NWD1: variants seen among roughly 807,000 people sequenced by gnomAD.
The protein encoded by NWD1 is NACHT and WD repeat domain containing 1.
NWD1 carries 129 observed loss-of-function variants against 135.1 expected under a neutral mutation model. The observed-to-expected ratio is 0.96, with a 90% confidence interval of 0.83 to 1.11. The LOEUF (loss-of-function observed/expected upper bound fraction) is 1.11. NWD1 is among the 50% of genes least tolerant of loss of function. The pLI, the probability that NWD1 is intolerant of heterozygous loss-of-function variation, is 0.00. For missense variants in NWD1, 1,740 were observed against 1,851.3 expected, an observed-to-expected ratio of 0.94 and a Z score of 1.10; for synonymous variants, 773 against 786.0, an observed-to-expected ratio of 0.98 and a Z score of 0.28.
In NWD1 at chr19:16,779,031, C is replaced by T. The variant is rs115420786; in HGVS notation, c.2609-312C>T. Among the ~76,000 whole-genome samples, 1,201 of 152,244 alleles carry T rather than the reference C, an allele frequency of 7.9e-3. 11 individuals are homozygous for T. The highest frequency in any genetic ancestry group is 0.027 in the African/African-American group (1,125 of 41,548). On this transcript the variant is annotated intron_variant, in intron 11 of 18. Coordinates refer to ENST00000524140, the MANE Select transcript of NWD1 (RefSeq NM_001007525.5). ...AGCATCCTTGTCCCCATTGTGGCAC[C>T]TCAAGATGTCTCCAGAAACCGATAT...
chr19:16,747,183 T>C lies in NWD1; in HGVS notation c.497-1956T>C, dbSNP rs569448665. ...TCCTAAGTTGCTGGGATTACAGGCA[T>C]GCGCCACCTCGCCTGGCTAATTTTT... On this transcript the variant is annotated intron_variant, in intron 5 of 18. Coordinates refer to ENST00000524140, the MANE Select transcript of NWD1 (RefSeq NM_001007525.5). Among the ~76,000 whole-genome samples the C allele has an allele frequency of 5.9e-5, 9 of 151,542 alleles. No homozygotes were observed. The East Asian group carries it at 1.6e-3, about 26-fold the overall frequency.
In NWD1 at chr19:16,781,908, C is replaced by T. The variant is rs1269742427; in HGVS notation, c.2731+2443C>T. On this transcript the variant is annotated intron_variant, in intron 12 of 18. Coordinates refer to ENST00000524140, the MANE Select transcript of NWD1 (RefSeq NM_001007525.5). ...GAGATCGAGACCATCCTGGCTAACACGGTGAAACCCTGTCTCTACTAAAAA... is the reference window on the plus strand; with the variant it reads ...GAGATCGAGACCATCCTGGCTAACATGGTGAAACCCTGTCTCTACTAAAAA... 5.3e-5 allele frequency among the ~76,000 whole-genome samples: 8 copies of T among 151,398 alleles called. No homozygotes were observed. The South Asian group carries it at 6.3e-4, about 12-fold the overall frequency.
chr19:16,737,409 G>A (rs1433825053), intron 4 of NWD1, among the ~76,000 whole-genome samples: 2 of 151,872 alleles, frequency 1.3e-5, no homozygotes, highest in Non-Finnish European at 2.9e-5. Context: ...CTACAGGTGT[G>A]TGCCGCCACA....
intron 12 of NWD1, among the ~76,000 whole-genome samples, chr19:16,786,614 T>A (rs1417544636): frequency 6.6e-6 from 1 of 152,016 alleles, no homozygotes; most frequent in African/African-American, 2.4e-5. Context: ...TGGTCCAGTC[T>A]TGGCTCACTG....
At position 16,749,894 on chromosome 19, in the gene NWD1, C is replaced by T. The variant is rs574266944; in HGVS notation, c.1252C>T (p.His418Tyr). The T allele has an allele frequency of 1.8e-5, 29 of 1,613,564 alleles. No individual in the cohort carries two copies. In the South Asian group the frequency reaches 2.7e-4, roughly 15 times the overall value. The change falls in exon 6 of 19, where the codon CAT (histidine) becomes TAT (tyrosine). Residue 418 changes from histidine (H) to tyrosine (Y), a missense_variant. Coordinates refer to ENST00000524140, the MANE Select transcript of NWD1 (RefSeq NM_001007525.5). The part of the protein sequence containing the change: ...DAHTRVVQFF[H>Y]TLLHTVSCRN... ...CCACACCAGGGTGGTCCAGTTTTTC[C>T]ATACCCTCCTCCACACTGTCTCTTG... is the stretch of plus-strand genomic sequence containing the variant.
At position 16,799,812 on chromosome 19, in the gene NWD1, G is replaced by C. The variant is rs934703090; in HGVS notation, c.3460-74G>C. On this transcript the variant is annotated intron_variant, in intron 16 of 18. Coordinates refer to ENST00000524140, the MANE Select transcript of NWD1 (RefSeq NM_001007525.5). Reference sequence around the variant, plus strand: ...CGTGAGCCACCGCGCCTGGCCCAATGGGCTGAAGCGTATTTCTGAACTATA... The same window carrying C: ...CGTGAGCCACCGCGCCTGGCCCAATCGGCTGAAGCGTATTTCTGAACTATA... 3 of 1,432,224 alleles carry C rather than the reference G, an allele frequency of 2.1e-6. No homozygotes were observed. The African/African-American group carries it at 4.3e-5, about 20-fold the overall frequency. 88.7% of individuals were successfully genotyped at this position (1,432,224 alleles called of 1,614,324 possible).
intron 4 of NWD1, among the ~76,000 whole-genome samples, chr19:16,739,459 T>G (rs1187938411): frequency 6.6e-6 from 1 of 152,064 alleles, no homozygotes; most frequent in Non-Finnish European, 1.5e-5. Flanking sequence ...CAGTGCAGCT[T>G]TCTGATTGCA....
chr19:16,722,490 T>C (rs12984347), intron 1 of NWD1, among the ~76,000 whole-genome samples: 34,027 of 151,714 alleles, frequency 0.22, 4,820 homozygotes, highest in Middle Eastern at 0.36. Flanking sequence ...GGTTTCTCCA[T>C]GTTGGCCAGG....
chr19:16,735,866 GAGGA>G (rs372042757), intron 3 of NWD1, among the ~76,000 whole-genome samples: 3,137 of 28,416 alleles, frequency 0.11, 100 homozygotes, highest in African/African-American at 0.2. Context: ...AGGAAGGAAG[GAGGA>G]AGGAAGGAAG....
At chr19:16,793,425 G>T (rs982000479) in intron 14 of NWD1, among the ~76,000 whole-genome samples, 1 of 151,902 alleles carries the variant, frequency 6.6e-6, no homozygotes, top group Non-Finnish European at 1.5e-5. Context: ...ATTTTGTAGA[G>T]GTGGGGGTCT....
chr19:16,800,877 A>G (rs1970583927), intron 17 of NWD1, among the ~76,000 whole-genome samples: 2 of 152,178 alleles, frequency 1.3e-5, no homozygotes, highest in African/African-American at 4.8e-5. Flanking sequence ...GCTTAAACCT[A>G]TAATCACAGC....
Position 16,730,830 on chromosome 19 carries a change from A to T in NWD1, c.-6-362A>T, listed in dbSNP as rs1483605378. On this transcript the variant is annotated intron_variant, in intron 2 of 18. Coordinates refer to ENST00000524140, the MANE Select transcript of NWD1 (RefSeq NM_001007525.5). Reference sequence around the variant, plus strand: ...GATGGCTTGAGTCCAGGAGTTCAAGACCAGCCTAGGAAACATAAGGAGACT... The same window carrying T: ...GATGGCTTGAGTCCAGGAGTTCAAGTCCAGCCTAGGAAACATAAGGAGACT... 2.0e-5 allele frequency among the ~76,000 whole-genome samples: 3 copies of T among 152,004 alleles called. 1 individual carries two copies. The highest frequency in any genetic ancestry group is 4.4e-5 in the Non-Finnish European group (3 of 68,008).
chr19:16,723,089 T>C lies in NWD1; in HGVS notation c.-104-1277T>C, dbSNP rs186402505. ...TATTTTTTGAGGCAGAGTCTCTCTC[T>C]GTTGCCCAGTGGTGGCTCACTGCAG... On this transcript the variant is annotated intron_variant, in intron 1 of 18. Coordinates refer to ENST00000524140, the MANE Select transcript of NWD1 (RefSeq NM_001007525.5). Among the ~76,000 whole-genome samples, 164 of 152,138 alleles carry C rather than the reference T, an allele frequency of 1.1e-3. 1 individual carries two copies. Among genetic ancestry groups the C allele is most frequent in the African/African-American group, 3.7e-3 (155 of 41,478 alleles).
At chr19:16,748,300 G>T (rs570856971) in intron 5 of NWD1, among the ~76,000 whole-genome samples, 2 of 152,180 alleles carry the variant, frequency 1.3e-5, no homozygotes, top group African/African-American at 4.8e-5. Context: ...TGGATGTTTG[G>T]ATTGTTTCTG....
intron 7 of NWD1, among the ~76,000 whole-genome samples, chr19:16,759,924 G>A (rs1310575071): frequency 6.6e-6 from 1 of 152,040 alleles, no homozygotes; most frequent in Non-Finnish European, 1.5e-5. Context: ...AACCTGGGAG[G>A]CAGAGGTGGC....
At position 16,744,513 on chromosome 19, in the gene NWD1, G is replaced by A; in HGVS notation, c.291G>A (p.Arg97=). The A allele has an allele frequency of 6.5e-7, 1 of 1,536,060 alleles. No homozygotes were observed. ...TATTGAGGGACCATCTGACTGCCAG[G>A]CCAAGTGACCTGGAGCTGGTGGCAC... ...WEVLRDHLTA[R]PSDLELVARY... The change falls in exon 5 of 19, where the codon AGG becomes AGA. Residue 97 remains arginine, a synonymous_variant. Coordinates refer to ENST00000524140, the MANE Select transcript of NWD1 (RefSeq NM_001007525.5).
Position 16,736,626 on chromosome 19 carries a change from T to C in NWD1, c.82-8T>C, listed in dbSNP as rs1353361321. The C allele has an allele frequency of 2.7e-6, 4 of 1,499,892 alleles. No homozygotes were observed. Among genetic ancestry groups the C allele is most frequent in the South Asian group, 2.4e-5 (2 of 83,296 alleles). 92.9% of individuals were successfully genotyped at this position (1,499,892 alleles called of 1,614,324 possible). ...CCTCTCTGACAAACTTGTGTTTCTA[T>C]TTCCCAGGTCGTTGATCTGAGGTGG... On this transcript the variant is annotated splice_polypyrimidine_tract_variant and splice_region_variant and intron_variant, in intron 3 of 18. Transcript: ENST00000524140.
chr19:16,788,479 G>A (rs1169269576), intron 12 of NWD1, among the ~76,000 whole-genome samples: 1 of 146,404 alleles, frequency 6.8e-6, no homozygotes, highest in African/African-American at 2.5e-5. Flanking sequence ...TGAGGCACGA[G>A]AATCACTTGA....
chr19:16,723,676 CTGTTTTGTTT>C (rs60100795), intron 1 of NWD1, among the ~76,000 whole-genome samples: 7,197 of 149,750 alleles, frequency 0.048, 543 homozygotes, highest in African/African-American at 0.16. Flanking sequence ...ACAGCTTTTT[CTGTTTTGTTT>C]TGTTTTGTTT....
Sources: gnomAD v4.1 joint callset for allele counts (sites outside exome capture counted in the v4.1 genomes callset) on GRCh38, gnomAD v4.1.1 for gene constraint, MANE v1.5 for transcripts, NCBI Gene and HGNC (gene_info 2026-07-23, HGNC 2026-07-21) for gene names.